MTHFD2L: variants seen among roughly 807,000 people sequenced by gnomAD.
The protein encoded by MTHFD2L is bifunctional methylenetetrahydrofolate dehydrogenase/cyclohydrolase 2, mitochondrial.
MTHFD2L carries 29 observed loss-of-function variants against 34.9 expected under a neutral mutation model. That is an observed-to-expected ratio of 0.83 (90% confidence interval 0.62 to 1.13). The LOEUF (loss-of-function observed/expected upper bound fraction) is 1.13. MTHFD2L is among the 50% of genes most tolerant of loss of function. The pLI, the probability that MTHFD2L is intolerant of heterozygous loss-of-function variation, is 0.00. For missense variants in MTHFD2L, 481 were observed against 446.5 expected (o/e 1.08, Z -0.70); for synonymous variants, 167 against 155.7 (o/e 1.07, Z -0.54).
chr4:74,165,538 A>G (rs1031814840), intron 1 of MTHFD2L, among the ~76,000 whole-genome samples: 6 of 152,060 alleles, frequency 3.9e-5, no homozygotes, highest in African/African-American at 1.5e-4. Context: ...TTCTATTTTT[A>G]GTAGAGACGG....
intron 6 of MTHFD2L, among the ~76,000 whole-genome samples, chr4:74,251,476 T>C (rs1004445816): frequency 2.6e-5 from 4 of 152,206 alleles, no homozygotes; most frequent in Non-Finnish European, 5.9e-5. Context: ...TATCCCAAAC[T>C]CTTTTTAGCT....
At chr4:74,119,138 T>C (rs1265711652), upstream of MTHFD2L, among the ~76,000 whole-genome samples, 1 of 152,202 alleles carries the variant, frequency 6.6e-6, no homozygotes, top group Non-Finnish European at 1.5e-5. Context: ...TAGTGGCAAG[T>C]GCGTTGATGT....
intron 3 of MTHFD2L, among the ~76,000 whole-genome samples, chr4:74,177,036 AATC>A (rs1257816259): frequency 1.3e-5 from 2 of 151,986 alleles, no homozygotes; most frequent in East Asian, 3.8e-4. Flanking sequence ...CACTGACAAA[AATC>A]ATCAAGTTAA....
intron 2 of MTHFD2L, among the ~76,000 whole-genome samples, chr4:74,118,154 C>A (rs1323771184): frequency 6.6e-6 from 1 of 151,952 alleles, no homozygotes; most frequent in Non-Finnish European, 1.5e-5. Flanking sequence ...AGTTAATGAA[C>A]AAATAATTAA....
chr4:74,118,489 G>A (rs1271633615), upstream of MTHFD2L, among the ~76,000 whole-genome samples: 2 of 152,118 alleles, frequency 1.3e-5, no homozygotes, highest in African/African-American at 4.8e-5. Flanking sequence ...TGCATTCCCT[G>A]TAAATGTGTT....
At chr4:74,238,556 C>A (rs1741188066) in intron 6 of MTHFD2L, among the ~76,000 whole-genome samples, 2 of 152,116 alleles carry the variant, frequency 1.3e-5, no homozygotes, top group African/African-American at 2.4e-5. Context: ...GAACAGGCAA[C>A]CTACAGAATG....
chr4:74,249,928 C>T (rs1578614756), intron 6 of MTHFD2L, among the ~76,000 whole-genome samples: 2 of 152,174 alleles, frequency 1.3e-5, no homozygotes, highest in African/African-American at 4.8e-5. Context: ...TCCTTCATTT[C>T]AACTTTGGTG....
intron 6 of MTHFD2L, among the ~76,000 whole-genome samples, chr4:74,257,098 A>G (rs892924313): frequency 6.6e-6 from 1 of 152,154 alleles, no homozygotes; most frequent in African/African-American, 2.4e-5. Flanking sequence ...ATGAGCACAG[A>G]ACTTTTTCCC....
At chr4:74,237,721 G>C (rs928391146) in intron 6 of MTHFD2L, among the ~76,000 whole-genome samples, 1 of 152,178 alleles carries the variant, frequency 6.6e-6, no homozygotes, top group Non-Finnish European at 1.5e-5. Context: ...GACTCATTCA[G>C]CCTTAGATTC....
At chr4:74,262,959 A>G (rs28644493) in intron 6 of MTHFD2L, among the ~76,000 whole-genome samples, 56,195 of 151,758 alleles carry the variant, frequency 0.37, 13,214 homozygotes, top group African/African-American at 0.67. Flanking sequence ...CAGCTAAAAC[A>G]TTCACCAATA....
At chr4:74,179,790 A>G (rs183844847) in intron 3 of MTHFD2L, among the ~76,000 whole-genome samples, 4 of 152,280 alleles carry the variant, frequency 2.6e-5, no homozygotes, top group Admixed American at 2.0e-4. Context: ...AATCTTTAAC[A>G]TAGATTAAAA....
chr4:74,119,516 G>T (rs1164547257), upstream of MTHFD2L, among the ~76,000 whole-genome samples: 1 of 152,174 alleles, frequency 6.6e-6, no homozygotes, highest in Non-Finnish European at 1.5e-5. Flanking sequence ...GGGCGCGGTG[G>T]CTCATGCCTG....
intron 3 of MTHFD2L, chr4:74,180,999 T>C (rs1373209830): frequency 6.4e-6 from 1 of 156,694 alleles, no homozygotes; most frequent in African/African-American, 2.4e-5. Context: ...ATTTTTGGAG[T>C]ATGTATCTTT....
At chr4:74,130,837 C>T (rs1258484559) in intron 1 of MTHFD2L, among the ~76,000 whole-genome samples, 2 of 151,980 alleles carry the variant, frequency 1.3e-5, no homozygotes, top group South Asian at 4.2e-4. Flanking sequence ...TTCAGAAAAC[C>T]CCATCATATC....
intron 6 of MTHFD2L, among the ~76,000 whole-genome samples, chr4:74,265,385 A>T (rs1368600649): frequency 1.3e-5 from 2 of 152,190 alleles, no homozygotes; most frequent in Non-Finnish European, 2.9e-5. Context: ...CCATGGCAGA[A>T]ATGGCAGAGG....
At chr4:74,153,779 A>T (rs1724086326), upstream of MTHFD2L, among the ~76,000 whole-genome samples, 1 of 152,206 alleles carries the variant, frequency 6.6e-6, no homozygotes, top group African/African-American at 2.4e-5. Flanking sequence ...TTTATAGAAC[A>T]GTTTTAAATT....
chr4:74,208,071 C>G (rs1375566565), intron 5 of MTHFD2L, among the ~76,000 whole-genome samples: 1 of 152,064 alleles, frequency 6.6e-6, no homozygotes, highest in East Asian at 1.9e-4. Context: ...CTAACTGGGA[C>G]AGGGGATGGC....
At position 74,174,508 on chromosome 4, in the gene MTHFD2L, A is replaced by C; in HGVS notation, c.146A>C (p.His49Pro). ...FRGFRSSGVR[H>P]EAIIISGTEM... ...ATTTATTGTTTTGCTTTCCACAGAC[A>C]TGAAGCCATTATTATATCAGGAACC... The change falls in exon 2 of 8, where the codon CAT becomes CCT. Residue 49 changes from histidine to proline, a missense_variant and splice_region_variant. Coordinates refer to ENST00000325278, the MANE Select transcript of MTHFD2L (RefSeq NM_001144978.3). The C allele has an allele frequency of 6.5e-7, 1 of 1,532,680 alleles. No individual in the cohort carries two copies. The highest frequency in any genetic ancestry group is 8.8e-7 in the Non-Finnish European group (1 of 1,141,468). 94.9% of individuals were successfully genotyped at this position (1,532,680 alleles called of 1,614,324 possible).
chr4:74,290,998 CTTTTCTTTTT>C (rs1748836236), intron 7 of MTHFD2L, among the ~76,000 whole-genome samples: 2 of 46,156 alleles, frequency 4.3e-5, no homozygotes, highest in Admixed American at 2.9e-4. Flanking sequence ...TTTATTTTTC[CTTTTCTTTTT>C]TTTTTTTTTT....
Sources: gnomAD v4.1 joint callset for allele counts (sites outside exome capture counted in the v4.1 genomes callset) on GRCh38, gnomAD v4.1.1 for gene constraint, MANE v1.5 for transcripts, NCBI Gene and HGNC (gene_info 2026-07-23, HGNC 2026-07-21) for gene names.